RALA: variants seen among roughly 807,000 people sequenced by gnomAD.
RALA encodes the protein RAS like proto-oncogene A, also known as ras-related protein Ral-A.
RALA carries 5 observed loss-of-function variants against 24.0 expected under a neutral mutation model. The observed-to-expected ratio is 0.21, with a 90% CI of 0.11 to 0.44. The LOEUF is 0.44. Among genes scored for constraint, RALA ranks in the 20% least tolerant of loss-of-function variants. RALA has a pLI of 0.99. For missense variants in RALA, 95 were observed against 241.2 expected (o/e 0.39, Z 4.01); for synonymous variants, 77 against 83.8 (o/e 0.92, Z 0.44).
chr7:39,675,984 T>C (rs1342056767), intron 1 of RALA, among the ~76,000 whole-genome samples: 1 of 152,108 alleles, frequency 6.6e-6, no homozygotes, highest in East Asian at 1.9e-4. Context: ...CATAAGTCTT[T>C]TTATTTTTTT....
intron 4 of RALA, 114 bp from the exon 5 acceptor site, chr7:39,706,007 CAA>C (rs1793115595): frequency 1.1e-6 from 1 of 924,458 alleles, no homozygotes; most frequent in South Asian, 1.9e-5. Flanking sequence ...TACTCCCAAA[CAA>C]GAGCTCTTAA....
intron 1 of RALA, among the ~76,000 whole-genome samples, chr7:39,684,806 C>T (rs1250339295): frequency 5.3e-5 from 8 of 151,772 alleles, no homozygotes; most frequent in Non-Finnish European, 7.4e-5. Flanking sequence ...ATGTGGCCCA[C>T]GGGCCACAGG....
chr7:39,644,371 T>G (rs1791890395), intron 1 of RALA, among the ~76,000 whole-genome samples: 1 of 152,138 alleles, frequency 6.6e-6, no homozygotes. Context: ...TGTGTTGAGG[T>G]TTATCCCAGC....
At chr7:39,625,364 A>G (rs1198596971) in intron 1 of RALA, among the ~76,000 whole-genome samples, 1 of 152,238 alleles carries the variant, frequency 6.6e-6, no homozygotes, top group African/African-American at 2.4e-5. Context: ...ACTTGAGCAT[A>G]TTCAGAGTTA....
At chr7:39,675,105 C>T (rs1792456339) in intron 1 of RALA, among the ~76,000 whole-genome samples, 1 of 152,054 alleles carries the variant, frequency 6.6e-6, no homozygotes, top group Non-Finnish European at 1.5e-5. Context: ...GGATTACAGG[C>T]GTGAGCCAGT....
intron 1 of RALA, among the ~76,000 whole-genome samples, chr7:39,683,457 A>AT (rs1329138961): frequency 3.3e-5 from 5 of 151,688 alleles, no homozygotes; most frequent in South Asian, 4.2e-4. Context: ...TTGCTGTCTT[A>AT]TTTTTTTTCA....
intron 4 of RALA, among the ~76,000 whole-genome samples, chr7:39,698,002 ATAAC>A (rs1792953683): frequency 6.6e-6 from 1 of 151,366 alleles, no homozygotes; most frequent in Admixed American, 6.6e-5. Flanking sequence ...TTTTGCTTAA[ATAAC>A]AAAGTTATTT....
intron 1 of RALA, among the ~76,000 whole-genome samples, chr7:39,659,690 G>A (rs1792154738): frequency 6.6e-6 from 1 of 152,044 alleles, no homozygotes; most frequent in South Asian, 2.1e-4. Flanking sequence ...TGGGTAAATA[G>A]GCACTAAATA....
chr7:39,690,889 A>G (rs1032438519), intron 3 of RALA, among the ~76,000 whole-genome samples: 5 of 152,208 alleles, frequency 3.3e-5, no homozygotes, highest in Non-Finnish European at 5.9e-5. Context: ...AGTGTAAACT[A>G]CTACTGCCAT....
intron 1 of RALA, among the ~76,000 whole-genome samples, chr7:39,681,286 C>G (rs1792593860): frequency 1.4e-5 from 2 of 147,038 alleles, no homozygotes; most frequent in Non-Finnish European, 3.0e-5. Flanking sequence ...CTCCTCAACC[C>G]AAACCCACCC....
intron 4 of RALA, among the ~76,000 whole-genome samples, chr7:39,704,825 G>A (rs929770737): frequency 1.3e-5 from 2 of 151,674 alleles, no homozygotes; most frequent in Admixed American, 6.6e-5. Flanking sequence ...ACAAGTGCCC[G>A]CCACCACACC....
intron 1 of RALA, among the ~76,000 whole-genome samples, chr7:39,658,348 C>G (rs1792130276): frequency 6.6e-6 from 1 of 152,086 alleles, no homozygotes; most frequent in Non-Finnish European, 1.5e-5. Flanking sequence ...ATCAATACTT[C>G]GAACAACTAG....
chr7:39,695,341 A>C (rs746233790), intron 3 of RALA, among the ~76,000 whole-genome samples: 1 of 152,024 alleles, frequency 6.6e-6, no homozygotes, highest in Non-Finnish European at 1.5e-5. Context: ...AATACAGTGT[A>C]ATTGCTATGT....
intron 1 of RALA, among the ~76,000 whole-genome samples, chr7:39,662,752 C>T (rs913281337): frequency 6.6e-6 from 1 of 152,160 alleles, no homozygotes; most frequent in African/African-American, 2.4e-5. Context: ...TCTTTGGAGC[C>T]CTCCAGACTG....
At chr7:39,655,966 A>G (rs1316673323) in intron 1 of RALA, among the ~76,000 whole-genome samples, 1 of 152,204 alleles carries the variant, frequency 6.6e-6, no homozygotes, top group Non-Finnish European at 1.5e-5. Context: ...GAAGAATTTT[A>G]AGTAAGCTGA....
intron 1 of RALA, among the ~76,000 whole-genome samples, chr7:39,663,379 A>G (rs1393791842): frequency 3.3e-5 from 5 of 152,216 alleles, no homozygotes; most frequent in African/African-American, 1.2e-4. Context: ...GCCATGTGAC[A>G]CTAATTATCT....
chr7:39,672,459 A>C (rs1266872555), intron 1 of RALA, among the ~76,000 whole-genome samples: 4 of 152,226 alleles, frequency 2.6e-5, no homozygotes, highest in Non-Finnish European at 5.9e-5. Flanking sequence ...AAAAAGGTAC[A>C]GCCACTTTGA....
chr7:39,647,642 G>A (rs376457399), intron 1 of RALA, among the ~76,000 whole-genome samples: 1 of 152,122 alleles, frequency 6.6e-6, no homozygotes, highest in Non-Finnish European at 1.5e-5. Flanking sequence ...TTAGGAGTTG[G>A]GGCCTTTAGG....
chr7:39,639,907 G>A (rs1403420582), intron 1 of RALA, among the ~76,000 whole-genome samples: 1 of 151,890 alleles, frequency 6.6e-6, no homozygotes, highest in Non-Finnish European at 1.5e-5. Context: ...TTTGCAATAT[G>A]GGTTTTTTTT....
Sources: allele counts gnomAD v4.1 joint callset (sites outside exome capture counted in the v4.1 genomes callset), GRCh38; gene constraint gnomAD v4.1.1; transcripts MANE v1.5; gene names NCBI Gene and HGNC (gene_info 2026-07-23, HGNC 2026-07-21).